The following DENND11 variants were observed in gnomAD, a reference collection of about 807,000 sequenced individuals.
The protein encoded by DENND11 is DENN domain containing 11, also known as DENN domain-containing protein 11.
A neutral mutation model predicts 49.2 loss-of-function variants in DENND11; 34 were observed. That is an observed-to-expected ratio of 0.69 (90% CI 0.53 to 0.92). DENND11 has a LOEUF of 0.92. Ranked by LOEUF, DENND11 falls within the 40% of genes least tolerant of loss-of-function variation. The pLI, the probability that DENND11 is intolerant of heterozygous loss-of-function variation, is 0.00. For missense variants in DENND11, 475 were observed against 581.6 expected, an observed-to-expected ratio of 0.82 and a Z score of 1.88; for synonymous variants, 238 against 230.3, an observed-to-expected ratio of 1.03 and a Z score of -0.30.
Position 141,685,629 on chromosome 7 carries a change from G to A in DENND11, c.376C>T (p.Arg126Ter), listed in dbSNP as rs780395645. 11 of 1,613,914 alleles carry A rather than the reference G, an allele frequency of 6.8e-6. No homozygotes were observed. Among genetic ancestry groups the A allele is most frequent in the Non-Finnish European group, 8.5e-6 (10 of 1,179,870 alleles). The change falls in exon 3 of 9, where the codon CGA (arginine) becomes TGA (stop). Residue 126 changes from arginine (R) to a stop codon, truncating the protein, a stop_gained. Transcript: ENST00000536163. LOFTEE classifies it high-confidence loss of function. ...GCCAGGCCGAAGAAGGGCCCCTTTC[G>A]GAAATAGCTAGAAGAGACCAAATAC... ...HKIQSDFIYFRKGPFFGLACF... is the reference protein window; with the variant it reads ...HKIQSDFIYF
rs186240360 is a variant in DENND11, at chr7:141,683,382, G to A, written c.527+2096C>T. On this transcript the variant is annotated intron_variant, in intron 3 of 8. Transcript: ENST00000536163. ...CAGGCCAGGCTCAGTGGCTCATGCC[G>A]GTAATCCCAGAACTCTGGGAGGCCG... Among the ~76,000 whole-genome samples the A allele has an allele frequency of 9.1e-4, 139 of 152,202 alleles. 1 individual carries two copies. The highest frequency in any genetic ancestry group is 3.3e-3 in the South Asian group (16 of 4,818).
At chr7:141,687,631 ATT>A (rs36080710) in intron 1 of DENND11, among the ~76,000 whole-genome samples, 22 of 112,764 alleles carry the variant, frequency 2.0e-4, no homozygotes, top group Admixed American at 3.2e-4. Flanking sequence ...CACTCGGCTA[ATT>A]TTTTTTTTTT....
intron 4 of DENND11, among the ~76,000 whole-genome samples, chr7:141,673,423 C>T (rs34279308): frequency 0.34 from 51,884 of 152,024 alleles, 10,864 homozygotes; most frequent in East Asian, 0.55. Context: ...TTCCACCTAG[C>T]CAAATACTCA....
chr7:141,695,385 T>C (rs780484697), intron 1 of DENND11, among the ~76,000 whole-genome samples: 5 of 150,626 alleles, frequency 3.3e-5, no homozygotes, highest in Non-Finnish European at 7.4e-5. Context: ...CATAAAGGAC[T>C]TTGCAAAAGC....
At chr7:141,699,815 C>G (rs1399603811) in intron 1 of DENND11, among the ~76,000 whole-genome samples, 1 of 152,162 alleles carries the variant, frequency 6.6e-6, no homozygotes, top group Non-Finnish European at 1.5e-5. Flanking sequence ...GAGCAGTGAT[C>G]AGAATAAATC....
intron 1 of DENND11, among the ~76,000 whole-genome samples, chr7:141,694,773 T>C (rs1171029592): frequency 6.6e-6 from 1 of 152,182 alleles, no homozygotes; most frequent in Non-Finnish European, 1.5e-5. Context: ...ACAAAGTCAA[T>C]GTGGAAAACT....
intron 3 of DENND11, among the ~76,000 whole-genome samples, chr7:141,674,742 C>T (rs1798039713): frequency 6.6e-6 from 1 of 152,176 alleles, no homozygotes; most frequent in Admixed American, 6.5e-5. Flanking sequence ...CATCAGGGCT[C>T]ATAATTTCTG....
chr7:141,662,615 G>A lies in DENND11; in HGVS notation c.*41C>T, dbSNP rs774532048. 12 of 1,463,250 alleles carry A rather than the reference G, an allele frequency of 8.2e-6. No homozygotes were observed. In the Admixed American group the frequency reaches 9.7e-5, roughly 12 times the overall value. The allele number at this position is 1,463,250 out of a possible 1,614,324, so 90.6% of individuals were successfully genotyped here. On this transcript the variant is annotated 3_prime_UTR_variant, in exon 9 of 9. Transcript: ENST00000536163. The stretch of plus-strand genomic sequence containing the variant: ...GCCCTGGGGTGAACTCCGGGCTGCT[G>A]ACATCCCACGTGAAGTGGCTCCCAG...
intron 2 of DENND11, 121 bp from the exon 3 acceptor site, chr7:141,685,757 A>G: frequency 9.1e-7 from 1 of 1,102,138 alleles, no homozygotes. Flanking sequence ...CCTCAAGAAA[A>G]CAAGCGGGCC....
At chr7:141,686,139 C>T (rs1798239345) in intron 2 of DENND11, among the ~76,000 whole-genome samples, 2 of 152,212 alleles carry the variant, frequency 1.3e-5, no homozygotes, top group Admixed American at 6.5e-5. Flanking sequence ...AAGCTCTTTC[C>T]ATTGTTCCTT....
At position 141,659,824 on chromosome 7, in the gene DENND11, G is replaced by A. The variant is rs895135763; in HGVS notation, c.*2832C>T. On this transcript the variant is annotated 3_prime_UTR_variant, in exon 9 of 9. Transcript: ENST00000536163. The stretch of plus-strand genomic sequence containing the variant: ...CCAGGAGGCCGGTGGTCATCATAAT[G>A]CCCGCCCCTAAAGAGCTTACAGACC... 2 of 152,108 alleles carry A rather than the reference G, an allele frequency of 1.3e-5. No homozygotes were observed. The highest frequency in any genetic ancestry group is 4.8e-5 in the African/African-American group (2 of 41,408). 9.4% of individuals were successfully genotyped at this position (152,108 alleles called of 1,614,324 possible). A position where few individuals can be genotyped will look rare whatever the true frequency, so the allele number is the denominator to read the frequency against.
At chr7:141,700,478 A>G (rs868368917) in intron 1 of DENND11, among the ~76,000 whole-genome samples, 1 of 130,196 alleles carries the variant, frequency 7.7e-6, no homozygotes, top group East Asian at 2.0e-4. Flanking sequence ...ACACTGTCTG[A>G]AAAAAAAAAA....
chr7:141,673,331 C>A (rs1415866075), intron 4 of DENND11, among the ~76,000 whole-genome samples: 1 of 152,206 alleles, frequency 6.6e-6, no homozygotes, highest in Non-Finnish European at 1.5e-5. Flanking sequence ...GCATAACTCC[C>A]AGAAGGTGCT....
intron 4 of DENND11, 48 bp from the exon 5 acceptor site, chr7:141,666,473 T>G: frequency 6.7e-7 from 1 of 1,492,944 alleles, no homozygotes; most frequent in Non-Finnish European, 9.0e-7. Flanking sequence ...AGGAACAGCT[T>G]CTTAGAAATA....
chr7:141,676,583 AC>A (rs536965066), intron 3 of DENND11, among the ~76,000 whole-genome samples: 1 of 152,368 alleles, frequency 6.6e-6, no homozygotes, highest in East Asian at 1.9e-4. Context: ...CTGAACATAG[AC>A]AAAAATACAA....
rs368334319 is a variant in DENND11 at position 141,679,930 on chromosome 7, G to A, written c.527+5548C>T. 2.0e-3 allele frequency among the ~76,000 whole-genome samples: 307 copies of A among 152,262 alleles called. 1 individual carries two copies. Among genetic ancestry groups the A allele is most frequent in the African/African-American group, 6.8e-3 (282 of 41,554 alleles). On this transcript the variant is annotated intron_variant, in intron 3 of 8. Transcript: ENST00000536163. ...CAAACTTTCATTTTGTGTTGGCAAC[G>A]TTGAGGTGAAACAGGCATTCTCTTG...
At position 141,662,712 on chromosome 7, in the gene DENND11, G is replaced by C; in HGVS notation, c.1312C>G (p.Leu438Val). 1 of 1,610,064 alleles carries C rather than the reference G, an allele frequency of 6.2e-7. No individual in the cohort carries two copies. The highest frequency in any genetic ancestry group is 8.5e-7 in the Non-Finnish European group (1 of 1,178,392). The change falls in exon 9 of 9, where the codon CTG (leucine) becomes GTG (valine). Residue 438 changes from leucine to valine, a missense_variant. Physicochemically the swap from Leu to Val is conservative, Grantham distance 32. Transcript: ENST00000536163. ...QGDRSFLLDL[L>V]EAYGIDVMLV... The stretch of plus-strand genomic sequence containing the variant: ...ATGACATCAATGCCATAGGCCTCCA[G>C]CAGGTCCAGGAGAAAGCTCCGGTCT...
intron 1 of DENND11, among the ~76,000 whole-genome samples, chr7:141,691,898 A>G (rs1798332465): frequency 1.3e-5 from 2 of 152,088 alleles, no homozygotes; most frequent in Admixed American, 6.5e-5. Flanking sequence ...CACAGGACAG[A>G]ATGGGTATTT....
Position 141,662,676 on chromosome 7 carries a change from C to T in DENND11, c.1348G>A (p.Asp450Asn), listed in dbSNP as rs745462852. The change falls in exon 9 of 9, where the codon GAC (aspartate) becomes AAC (asparagine). Residue 450 changes from aspartate to asparagine, a missense_variant. By Grantham distance (23) the Asp-to-Asn change is conservative. Coordinates refer to ENST00000536163, the MANE Select transcript of DENND11 (RefSeq NM_001080392.2). ...AYGIDVMLVI[D>N]NPCCP ...TCCTCCTACGGGCAACAGGGGTTGT[C>T]GATAACCAGCATGACATCAATGCCA... 1.9e-5 allele frequency: 31 copies of T among 1,596,820 alleles called. No individual in the cohort carries two copies. The highest frequency in any genetic ancestry group is 2.7e-5 in the African/African-American group (2 of 74,188).
Sources: allele counts gnomAD v4.1 joint callset (sites outside exome capture counted in the v4.1 genomes callset), GRCh38; gene constraint gnomAD v4.1.1; transcripts MANE v1.5; gene names NCBI Gene and HGNC (gene_info 2026-07-23, HGNC 2026-07-21).